ASZ1: variants seen among roughly 807,000 people sequenced by gnomAD.
ASZ1 encodes the protein ankyrin repeat, SAM and basic leucine zipper domain-containing protein 1.
In ASZ1, 67 loss-of-function variants were observed where a neutral mutation model predicts 61.8. The ratio of observed to expected loss-of-function variants is 1.08; its 90% CI spans 0.89 to 1.33. The LOEUF (loss-of-function observed/expected upper bound fraction) is 1.33, where lower values mean the gene tolerates loss of function less well. ASZ1 is among the 40% of genes most tolerant of loss of function. ASZ1 has a pLI of 0.00. For synonymous variants in ASZ1, 193 were observed against 192.7 expected (o/e 1.00, Z -0.01); for missense variants, 577 against 554.5 (o/e 1.04, Z -0.41).
chr7:117,391,903 T>TTCA (rs1396602343), intron 4 of ASZ1, among the ~76,000 whole-genome samples: 1 of 152,124 alleles, frequency 6.6e-6, no homozygotes, highest in Admixed American at 6.5e-5. Context: ...GTGATTCTCC[T>TTCA]GCCTCAGCCT....
chr7:117,363,701 T>C lies in ASZ1; in HGVS notation c.1323A>G (p.Glu441=). ...TTCTACTATTCCATGTAGATACTTC[T>C]TCCCTTAATTGTATATGAGTTGGAT... ...ENDPTHIQLR[E]EVSTWNSRIL... The change falls in exon 13 of 13, where the codon GAA becomes GAG. Residue 441 remains glutamate, a synonymous_variant. Coordinates refer to ENST00000284629, the MANE Select transcript of ASZ1 (RefSeq NM_130768.3). 1 of 1,605,762 alleles carries C rather than the reference T, an allele frequency of 6.2e-7. No individual in the cohort carries two copies. The highest frequency in any genetic ancestry group is 8.5e-7 in the Non-Finnish European group (1 of 1,175,466).
Position 117,420,282 on chromosome 7 carries a change from G to A in ASZ1, c.329-8C>T, listed in dbSNP as rs1407296174. 6.3e-7 allele frequency: 1 copy of A among 1,595,440 alleles called. No individual in the cohort carries two copies. The highest frequency in any genetic ancestry group is 1.1e-5 in the South Asian group (1 of 89,114). ...TCAAAATACTTTGCTTATCTATAGT[G>A]AATAGAAAAGTGAGGAAAAATCCCC... On this transcript the variant is annotated splice_polypyrimidine_tract_variant and splice_region_variant and intron_variant, in intron 3 of 12. Coordinates refer to ENST00000284629, the MANE Select transcript of ASZ1 (RefSeq NM_130768.3).
chr7:117,366,954 T>C (rs916783617), intron 12 of ASZ1, among the ~76,000 whole-genome samples: 11 of 152,152 alleles, frequency 7.2e-5, no homozygotes, highest in East Asian at 1.9e-4. Context: ...TCTCCTAGTA[T>C]AGAATACTTA....
At chr7:117,425,259 C>CTTTT (rs71148368) in intron 2 of ASZ1, among the ~76,000 whole-genome samples, 1,040 of 93,752 alleles carry the variant, frequency 0.011, 22 homozygotes, top group East Asian at 0.027. Flanking sequence ...TGAGTAATTT[C>CTTTT]TTTTTTTTTT....
chr7:117,382,262 C>T, intron 7 of ASZ1, 118 bp from the exon 8 acceptor site: 5 of 666,598 alleles, frequency 7.5e-6, no homozygotes, highest in Non-Finnish European at 1.3e-5. Context: ...AATATATTTG[C>T]AATCTGCACA....
At chr7:117,425,406 C>G in intron 2 of ASZ1, among the ~76,000 whole-genome samples, 2 of 151,314 alleles carry the variant, frequency 1.3e-5, no homozygotes, top group African/African-American at 2.4e-5. Flanking sequence ...GCTGGGACTA[C>G]AGGCGCCCGC....
At chr7:117,366,324 A>C (rs561910562) in intron 12 of ASZ1, among the ~76,000 whole-genome samples, 7 of 152,312 alleles carry the variant, frequency 4.6e-5, no homozygotes, top group Non-Finnish European at 7.4e-5. Context: ...ATGACAATTT[A>C]TTAATACTTG....
At chr7:117,420,629 T>C (rs564310499) in intron 3 of ASZ1, among the ~76,000 whole-genome samples, 1 of 152,346 alleles carries the variant, frequency 6.6e-6, no homozygotes, top group East Asian at 1.9e-4. Context: ...GAAACAATGA[T>C]CTATATTCTC....
chr7:117,379,201 G>T (rs1796205258), intron 10 of ASZ1, among the ~76,000 whole-genome samples: 1 of 131,326 alleles, frequency 7.6e-6, no homozygotes, highest in African/African-American at 3.3e-5. Flanking sequence ...ACACAAATGA[G>T]TGCATAACTC....
chr7:117,391,291 A>C (rs552734461), intron 4 of ASZ1, among the ~76,000 whole-genome samples: 1 of 152,130 alleles, frequency 6.6e-6, no homozygotes, highest in Non-Finnish European at 1.5e-5. Context: ...TTTGCTGTGA[A>C]GAAGCTCTTT....
At chr7:117,364,347 C>T (rs1447694675) in intron 12 of ASZ1, among the ~76,000 whole-genome samples, 2 of 151,846 alleles carry the variant, frequency 1.3e-5, no homozygotes, top group African/African-American at 4.8e-5. Flanking sequence ...CTCCCTTCTC[C>T]CCTACCTACT....
chr7:117,400,454 T>C (rs1796658566), intron 4 of ASZ1, among the ~76,000 whole-genome samples: 1 of 152,184 alleles, frequency 6.6e-6, no homozygotes, highest in Non-Finnish European at 1.5e-5. Context: ...ACTTTTTGCT[T>C]TTAGACATTT....
At position 117,379,168 on chromosome 7, in the gene ASZ1, T is replaced by TACACAC. The variant is rs58457982; in HGVS notation, c.1055+764_1055+769dup. Among the ~76,000 whole-genome samples the TACACAC allele has an allele frequency of 1.5e-3, 108 of 69,692 alleles. 1 individual carries two copies. Among genetic ancestry groups the TACACAC allele is most frequent in the Admixed American group, 5.7e-3 (34 of 6,002 alleles). 45.7% of individuals were successfully genotyped at this position (69,692 alleles called of 152,430 possible). A position where few individuals can be genotyped will look rare whatever the true frequency, so the allele number is the denominator to read the frequency against. The stretch of plus-strand genomic sequence containing the variant: ...ATATATATATATATATATATATATA[T>TACACAC]ACACACACACACACACACACACACA... On this transcript the variant is annotated intron_variant, in intron 10 of 12. Transcript: ENST00000284629.
Position 117,426,918 on chromosome 7 carries a change from T to A in ASZ1, c.123A>T (p.Leu41Phe). Residue 41 changes from leucine (L) to phenylalanine (F), a missense_variant, in exon 2 of 13, where the codon TTA becomes TTT. Transcript: ENST00000284629. ...DRTSQKLKRL[L>F]PIEEKKEKFK... is the part of the protein sequence containing the mutation. Reference sequence around the variant, plus strand: ...ATTTTTCTTTCTTTTCTTCAATGGGTAATAGCCTTTTCAATTTCTAGAAAA... The same window carrying A: ...ATTTTTCTTTCTTTTCTTCAATGGGAAATAGCCTTTTCAATTTCTAGAAAA... 1 of 1,596,152 alleles carries A rather than the reference T, an allele frequency of 6.3e-7. No individual in the cohort carries two copies. The highest frequency in any genetic ancestry group is 8.5e-7 in the Non-Finnish European group (1 of 1,175,576).
At chr7:117,384,881 A>C in intron 5 of ASZ1, 21 bp from the exon 6 acceptor site, 1 of 1,546,328 alleles carries the variant, frequency 6.5e-7, no homozygotes, top group Non-Finnish European at 8.7e-7. Context: ...GGGGAAAAGA[A>C]GATTGTTTAA....
At chr7:117,420,367 T>TA in intron 3 of ASZ1, 93 bp from the exon 4 acceptor site, 1 of 797,962 alleles carries the variant, frequency 1.3e-6, no homozygotes, top group South Asian at 1.9e-5. Flanking sequence ...TATTGCACTC[T>TA]AAAACTCTAT....
intron 2 of ASZ1, among the ~76,000 whole-genome samples, chr7:117,424,991 T>G (rs1797169588): frequency 1.3e-5 from 2 of 152,220 alleles, no homozygotes; most frequent in South Asian, 4.1e-4. Flanking sequence ...GGGCAGAAAT[T>G]GAAGCTTAGG....
At chr7:117,374,126 G>A (rs1796096167) in intron 10 of ASZ1, among the ~76,000 whole-genome samples, 1 of 151,952 alleles carries the variant, frequency 6.6e-6, no homozygotes, top group Non-Finnish European at 1.5e-5. Flanking sequence ...TTAATATGGG[G>A]AATATTTATA....
intron 4 of ASZ1, among the ~76,000 whole-genome samples, chr7:117,394,765 C>G (rs1796546427): frequency 6.6e-6 from 1 of 152,192 alleles, no homozygotes; most frequent in African/African-American, 2.4e-5. Context: ...TTCCTCACCT[C>G]TATCTTCTAG....
Sources: allele counts gnomAD v4.1 joint callset (sites outside exome capture counted in the v4.1 genomes callset), GRCh38; gene constraint gnomAD v4.1.1; transcripts MANE v1.5; gene names NCBI Gene and HGNC (gene_info 2026-07-23, HGNC 2026-07-21).